Variants in TTC23L observed in about 807,000 individuals in gnomAD.
TTC23L encodes tetratricopeptide repeat domain 23 like, also known as tetratricopeptide repeat protein 23-like.
In TTC23L, 42 loss-of-function variants were observed where a neutral mutation model predicts 48.1. That is an observed-to-expected ratio of 0.87 (90% CI 0.68 to 1.13). The LOEUF is 1.13. TTC23L is among the 50% of genes most tolerant of loss of function. The pLI is 0.00. For missense variants in TTC23L, 391 were observed against 421.0 expected, an observed-to-expected ratio of 0.93 and a Z score of 0.62; for synonymous variants, 159 against 157.2, an observed-to-expected ratio of 1.01 and a Z score of -0.09.
chr5:34,879,830 TACTAAAAATACAAAAATTA>T (rs1762099195), intron 8 of TTC23L, among the ~76,000 whole-genome samples: 1 of 152,092 alleles, frequency 6.6e-6, no homozygotes, highest in African/African-American at 2.4e-5. Context: ...ACCCCATCTC[TACTAAAAATACAAAAATTA>T]GCCGGGCATG....
At chr5:34,884,842 T>C (rs1264186096) in intron 9 of TTC23L, among the ~76,000 whole-genome samples, 2 of 152,228 alleles carry the variant, frequency 1.3e-5, no homozygotes, top group African/African-American at 4.8e-5. Flanking sequence ...ATTCCTGATT[T>C]ATTGGCAGTG....
chr5:34,915,621 A>C, the TTC23L span: 9 of 1,289,900 alleles, frequency 7.0e-6, no homozygotes, highest in Non-Finnish European at 9.3e-6. Flanking sequence ...AGGAGGCGGC[A>C]CAGACCTGGA....
chr5:34,874,020 T>C (rs898967869), intron 8 of TTC23L, among the ~76,000 whole-genome samples: 1 of 151,450 alleles, frequency 6.6e-6, no homozygotes, highest in Non-Finnish European at 1.5e-5. Context: ...ATATAAGGAG[T>C]TTGGAAGTCA....
At chr5:34,875,157 C>G (rs866267781) in intron 8 of TTC23L, among the ~76,000 whole-genome samples, 3 of 152,178 alleles carry the variant, frequency 2.0e-5, no homozygotes, top group Non-Finnish European at 4.4e-5. Flanking sequence ...ATAAGACATA[C>G]AATCCTTAAT....
the TTC23L span, among the ~76,000 whole-genome samples, chr5:34,912,463 A>G: frequency 2.0e-5 from 3 of 152,326 alleles, no homozygotes; most frequent in African/African-American, 7.2e-5. Flanking sequence ...TGCTTCTGTG[A>G]AAAACTAGCT....
At chr5:34,878,070 A>G (rs1156257554) in intron 8 of TTC23L, among the ~76,000 whole-genome samples, 1 of 152,188 alleles carries the variant, frequency 6.6e-6, no homozygotes, top group Non-Finnish European at 1.5e-5. Context: ...AAACAATACC[A>G]TTTACATTAG....
chr5:34,880,341 A>G (rs1762140889), intron 9 of TTC23L, 33 bp downstream of exon 9: 1 of 1,581,538 alleles, frequency 6.3e-7, no homozygotes, highest in East Asian at 2.2e-5. Flanking sequence ...CAGAATTGCT[A>G]GTTTGTTTAT....
chr5:34,919,496 G>A, the TTC23L span, among the ~76,000 whole-genome samples: 2 of 152,116 alleles, frequency 1.3e-5, no homozygotes, highest in Non-Finnish European at 2.9e-5. Flanking sequence ...AAAAGTGAAA[G>A]ATATTTTCAT....
intron 9 of TTC23L, among the ~76,000 whole-genome samples, chr5:34,884,968 A>C (rs958577758): frequency 6.6e-6 from 1 of 152,250 alleles, no homozygotes; most frequent in African/African-American, 2.4e-5. Context: ...TACATCTGTC[A>C]ACATAGATAA....
chr5:34,890,041 G>T (rs1762770813), intron 9 of TTC23L, among the ~76,000 whole-genome samples: 1 of 151,990 alleles, frequency 6.6e-6, no homozygotes, highest in Admixed American at 6.6e-5. Context: ...GTTTCCCCAT[G>T]TTGGCCAGGA....
At chr5:34,847,400 G>A (rs7445714) in intron 3 of TTC23L, among the ~76,000 whole-genome samples, 2,045 of 151,920 alleles carry the variant, frequency 0.013, 38 homozygotes, top group African/African-American at 0.047. Context: ...AGAGAAATCT[G>A]ACTCAAATCC....
chr5:34,879,447 A>C (rs760033791), intron 8 of TTC23L, among the ~76,000 whole-genome samples: 1 of 152,230 alleles, frequency 6.6e-6, no homozygotes, highest in Non-Finnish European at 1.5e-5. Flanking sequence ...CATAACAACT[A>C]TATATTTAAA....
chr5:34,888,447 T>A (rs1762666459), intron 9 of TTC23L: 1 of 984,270 alleles, frequency 1.0e-6, no homozygotes, highest in Non-Finnish European at 1.2e-6. Flanking sequence ...GTTTCTCACC[T>A]CACCTAGTGT....
At chr5:34,844,261 G>A (rs1021136539) in intron 2 of TTC23L, among the ~76,000 whole-genome samples, 7 of 151,656 alleles carry the variant, frequency 4.6e-5, no homozygotes, top group Non-Finnish European at 8.8e-5. Context: ...CCTGCGCTTG[G>A]GCCTCAAGAA....
chr5:34,915,452 C>A, the TTC23L span: 1 of 351,338 alleles, frequency 2.8e-6, no homozygotes, highest in Admixed American at 4.5e-5. Flanking sequence ...GAGCCCTTCT[C>A]AGCAAAGTCC....
chr5:34,903,897 G>T (rs1763568995), downstream of TTC23L, among the ~76,000 whole-genome samples: 1 of 151,640 alleles, frequency 6.6e-6, no homozygotes, highest in African/African-American at 2.4e-5. Flanking sequence ...TCTGTACCAA[G>T]TTAGAAAAAA....
In TTC23L at chr5:34,876,837, G is replaced by A. The variant is rs865970533; in HGVS notation, c.950-3344G>A. ...GGAACATCACACATCAGGGCCTGTC[G>A]GGGGCTGGGGGGCTGGGGGAGGGAT... On this transcript the variant is annotated intron_variant, in intron 8 of 10. Transcript: ENST00000505624. Among the ~76,000 whole-genome samples the A allele has an allele frequency of 1.2e-4, 18 of 152,004 alleles. No homozygotes were observed. The South Asian group carries it at 2.1e-3, about 18-fold the overall frequency.
At chr5:34,862,925 C>G (rs2150396558) in exon 5 of TTC23L, 2 of 1,613,976 alleles carry the variant, frequency 1.2e-6, no homozygotes, top group Non-Finnish European at 1.7e-6. Flanking sequence ...AAGAAACATG[C>G]TACATCAGCC....
At chr5:34,841,335 T>C (rs1273238864) in intron 2 of TTC23L, among the ~76,000 whole-genome samples, 1 of 152,220 alleles carries the variant, frequency 6.6e-6, no homozygotes, top group Non-Finnish European at 1.5e-5. Flanking sequence ...TGCCAGGCTC[T>C]GTTCTAAGTA....
Sources: gnomAD v4.1 joint callset for allele counts (sites outside exome capture counted in the v4.1 genomes callset) on GRCh38, gnomAD v4.1.1 for gene constraint, MANE v1.5 for transcripts, NCBI Gene and HGNC (gene_info 2026-07-23, HGNC 2026-07-21) for gene names.